The following CACNA1C variants were observed in gnomAD, a reference collection of about 807,000 sequenced individuals.
The protein encoded by CACNA1C is calcium voltage-gated channel subunit alpha1 C, also known as voltage-dependent L-type calcium channel subunit alpha-1C.
A neutral mutation model predicts 229.0 loss-of-function variants in CACNA1C; 30 were observed. That is an observed-to-expected ratio of 0.13 (90% CI 0.10 to 0.18). The LOEUF is 0.18. Among genes scored for constraint, CACNA1C ranks in the 10% least tolerant of loss-of-function variants. The probability of loss-of-function intolerance (pLI) is 1.00; values close to 1 mark genes in which losing one functional copy is unlikely to be tolerated. For missense variants in CACNA1C, 1,658 were observed against 2,845.0 expected, an observed-to-expected ratio of 0.58 and a Z score of 9.49; for synonymous variants, 1,114 against 1,132.5, an observed-to-expected ratio of 0.98 and a Z score of 0.33.
intron 3 of CACNA1C, among the ~76,000 whole-genome samples, chr12:2,281,361 A>G (rs2091220219): frequency 1.3e-5 from 2 of 152,056 alleles, no homozygotes; most frequent in Non-Finnish European, 2.9e-5. Context: ...TGTCAGTACC[A>G]TTTCTGGTAC....
At chr12:2,445,461 TCCCTC>T (rs2099268354) in intron 3 of CACNA1C, among the ~76,000 whole-genome samples, 1 of 152,178 alleles carries the variant, frequency 6.6e-6, no homozygotes, top group Non-Finnish European at 1.5e-5. Context: ...GTGGGACAGG[TCCCTC>T]TGGGTCTCCA....
At chr12:2,360,177 C>CCA (rs373271524) in intron 3 of CACNA1C, among the ~76,000 whole-genome samples, 8,717 of 117,398 alleles carry the variant, frequency 0.074, 677 homozygotes, top group African/African-American at 0.16. Flanking sequence ...CCCCCCCACC[C>CCA]CACACACACA....
At chr12:2,571,496 C>T (rs1362040009) in intron 13 of CACNA1C, among the ~76,000 whole-genome samples, 1 of 152,138 alleles carries the variant, frequency 6.6e-6, no homozygotes, top group Non-Finnish European at 1.5e-5. Context: ...AGAAATCTTG[C>T]TGCTATATAT....
At chr12:2,177,009 C>T (rs998337180) in intron 3 of CACNA1C, among the ~76,000 whole-genome samples, 3 of 152,282 alleles carry the variant, frequency 2.0e-5, no homozygotes, top group Non-Finnish European at 4.4e-5. Flanking sequence ...ATGGCCAGGT[C>T]GGCTTAATCA....
In CACNA1C at chr12:2,617,229, G is replaced by A. The variant is rs1418872017; in HGVS notation, c.3828+5216G>A. Among the ~76,000 whole-genome samples, 4 of 152,200 alleles carry A rather than the reference G, an allele frequency of 2.6e-5. No individual in the cohort carries two copies. The East Asian group carries it at 7.7e-4, about 29-fold the overall frequency. On this transcript the variant is annotated intron_variant, in intron 29 of 46. Coordinates refer to ENST00000399655, the MANE Select transcript of CACNA1C (RefSeq NM_000719.7). Reference sequence around the variant, plus strand: ...GTGAGGGATGAGTCAGGACTAGTCGGTAGCCTGGTGAATGAGATGCTACCA... The same window carrying A: ...GTGAGGGATGAGTCAGGACTAGTCGATAGCCTGGTGAATGAGATGCTACCA...
At chr12:2,072,480 A>G (rs1433961984) in intron 1 of CACNA1C, among the ~76,000 whole-genome samples, 1 of 152,134 alleles carries the variant, frequency 6.6e-6, no homozygotes, top group Non-Finnish European at 1.5e-5. Context: ...GATTATAGGT[A>G]TGAGCCACTG....
intron 3 of CACNA1C, among the ~76,000 whole-genome samples, chr12:2,140,664 C>T (rs936694585): frequency 1.3e-5 from 2 of 151,322 alleles, no homozygotes; most frequent in African/African-American, 4.8e-5. Flanking sequence ...TGGTCTTTTG[C>T]CTGACAAGTA....
chr12:2,270,036 T>C (rs115499433), intron 3 of CACNA1C: 1,576 of 152,284 alleles, frequency 0.01, 28 homozygotes, highest in African/African-American at 0.036. Context: ...AACCTGAAGC[T>C]GGAGGGCCAG....
chr12:2,157,047 ATTG>A (rs1490473673), intron 3 of CACNA1C, among the ~76,000 whole-genome samples: 1 of 152,216 alleles, frequency 6.6e-6, no homozygotes, highest in East Asian at 1.9e-4. Flanking sequence ...AGGCTTGGAA[ATTG>A]TGGTATCAGG....
chr12:2,207,599 C>T (rs1048583717), intron 3 of CACNA1C, among the ~76,000 whole-genome samples: 10 of 152,128 alleles, frequency 6.6e-5, no homozygotes, highest in Admixed American at 4.6e-4. Flanking sequence ...CACTTGAGCT[C>T]AGGAGTTGGA....
chr12:2,388,589 A>T (rs560483741), intron 3 of CACNA1C, among the ~76,000 whole-genome samples: 1 of 152,320 alleles, frequency 6.6e-6, no homozygotes, highest in East Asian at 1.9e-4. Context: ...GGGTTTGTGG[A>T]GTTTGCAGTG....
intron 1 of CACNA1C, among the ~76,000 whole-genome samples, chr12:2,040,867 T>C (rs2049961902): frequency 6.6e-6 from 1 of 152,224 alleles, no homozygotes; most frequent in Non-Finnish European, 1.5e-5. Flanking sequence ...AGTTCCTTGG[T>C]TTATGGTTGA....
chr12:2,526,576 C>T (rs1056343059), intron 9 of CACNA1C, among the ~76,000 whole-genome samples: 1 of 152,252 alleles, frequency 6.6e-6, no homozygotes, highest in Non-Finnish European at 1.5e-5. Context: ...AACTCTCCTC[C>T]TCCTGCACCC....
intron 29 of CACNA1C, chr12:2,614,947 C>T (rs2079694129): frequency 6.6e-6 from 1 of 151,252 alleles, no homozygotes; most frequent in African/African-American, 2.4e-5. Flanking sequence ...CTAACCATCC[C>T]ACTCCTTAAA....
chr12:2,226,831 A>G (rs950773525), intron 3 of CACNA1C, among the ~76,000 whole-genome samples: 2 of 152,240 alleles, frequency 1.3e-5, no homozygotes, highest in Admixed American at 1.3e-4. Flanking sequence ...CGGCAGGAGA[A>G]GGGCTCTTGA....
Position 2,250,409 on chromosome 12 carries a change from G to A in CACNA1C, c.477+129979G>A, listed in dbSNP as rs11062172. Among the ~76,000 whole-genome samples, 754 of 152,330 alleles carry A rather than the reference G, an allele frequency of 4.9e-3. 4 individuals carry two copies. Among genetic ancestry groups the A allele is most frequent in the East Asian group, 0.011 (55 of 5,194 alleles). On this transcript the variant is annotated intron_variant, in intron 3 of 46. Coordinates refer to ENST00000399655, the MANE Select transcript of CACNA1C (RefSeq NM_000719.7). Reference sequence around the variant, plus strand: ...CAGGCCAAGACCCTCTCTCCATCCCGAGACCTTTAGTCAGGATTGTGGGTG... The same window carrying A: ...CAGGCCAAGACCCTCTCTCCATCCCAAGACCTTTAGTCAGGATTGTGGGTG...
intron 3 of CACNA1C, among the ~76,000 whole-genome samples, chr12:2,201,281 C>G (rs368527936): frequency 1.3e-5 from 2 of 152,150 alleles, no homozygotes; most frequent in East Asian, 3.9e-4. Flanking sequence ...GTTGGAGATT[C>G]AATAATTGAG....
chr12:2,369,554 G>A (rs559839196), intron 3 of CACNA1C, among the ~76,000 whole-genome samples: 2 of 152,060 alleles, frequency 1.3e-5, no homozygotes, highest in East Asian at 1.9e-4. Context: ...ACATGCCACT[G>A]CAACCAGCTA....
Position 2,677,801 on chromosome 12 carries a change from TGAG to T in CACNA1C, c.5032_5034del (p.Glu1678del), listed in dbSNP as rs786205773. ...GGGCCATCTCTGGAGATCTCACCGCTGAGGAGGAGCTGGACAAGGCCATGAAGG... is the reference window on the plus strand; with the variant it reads ...GGGCCATCTCTGGAGATCTCACCGCTGAGGAGCTGGACAAGGCCATGAAGG... On this transcript the variant is annotated inframe_deletion, in exon 41 of 47. Coordinates refer to ENST00000399655, the MANE Select transcript of CACNA1C (RefSeq NM_000719.7). This position sits in a 1 kb window ranked among gnomAD's most constrained non-coding sequence, Gnocchi z 7.4. The T allele has an allele frequency of 3.1e-6, 5 of 1,613,810 alleles. No homozygotes were observed. In the Admixed American group the frequency reaches 6.7e-5, roughly 22 times the overall value.
Sources: gnomAD v4.1 joint callset for allele counts (sites outside exome capture counted in the v4.1 genomes callset) on GRCh38, gnomAD v4.1.1 for gene constraint, Gnocchi (gnomAD v3.1) non-coding constraint, MANE v1.5 for transcripts, NCBI Gene and HGNC (gene_info 2026-07-23, HGNC 2026-07-21) for gene names.